LYST: variants seen among roughly 807,000 people sequenced by gnomAD.
The protein encoded by LYST is lysosomal trafficking regulator, also known as lysosomal-trafficking regulator.
Under a neutral mutation model 413.6 loss-of-function variants are expected in LYST, and 192 were observed. The observed-to-expected ratio is 0.46, with a 90% CI of 0.41 to 0.52. LYST has a LOEUF of 0.52. Among genes scored for constraint, LYST ranks in the 20% least tolerant of loss-of-function variants. LYST has a pLI of 0.00. For synonymous variants in LYST, 1,525 were observed against 1,567.3 expected, an observed-to-expected ratio of 0.97 and a Z score of 0.64; for missense variants, 3,815 against 4,499.9, an observed-to-expected ratio of 0.85 and a Z score of 4.35.
intron 1 of LYST, among the ~76,000 whole-genome samples, chr1:235,840,933 ACT>A (rs1282281581): frequency 6.6e-6 from 1 of 152,130 alleles, no homozygotes; most frequent in African/African-American, 2.4e-5. Context: ...GATCAGGACA[ACT>A]CTCTGAATAC....
chr1:235,672,805 T>C (rs899709888), intron 50 of LYST, among the ~76,000 whole-genome samples: 1 of 152,236 alleles, frequency 6.6e-6, no homozygotes, highest in Admixed American at 6.5e-5. Context: ...TATCCCCGTA[T>C]AAAATGCTTT....
chr1:235,711,828 A>C (rs1662425360), intron 43 of LYST, among the ~76,000 whole-genome samples: 1 of 152,122 alleles, frequency 6.6e-6, no homozygotes, highest in Admixed American at 6.5e-5. Context: ...ATTTACAAAT[A>C]ACTTTAATAG....
intron 29 of LYST, among the ~76,000 whole-genome samples, chr1:235,745,623 G>A (rs1244560933): frequency 6.6e-6 from 1 of 152,068 alleles, no homozygotes; most frequent in Non-Finnish European, 1.5e-5. Context: ...GCACATAAAT[G>A]CTTACAGAAG....
rs765743164 is a variant in LYST, at chr1:235,664,566, A to G, written c.11094T>C (p.His3698=). 1.1e-5 allele frequency: 18 copies of G among 1,614,032 alleles called. No individual in the cohort carries two copies. Among genetic ancestry groups the G allele is most frequent in the Non-Finnish European group, 1.5e-5 (18 of 1,180,024 alleles). The change falls in exon 51 of 53, where the codon CAT becomes CAC. Residue 3698 remains histidine (H), a synonymous_variant. Coordinates refer to ENST00000389793, the MANE Select transcript of LYST (RefSeq NM_000081.4). This position sits in a 1 kb window ranked among gnomAD's most constrained non-coding sequence, Gnocchi z 4.5. ...LWTVNGDLVG[H]VHCREIICSV... ...AACAGATGATCTCCCTGCAGTGGAC[A>G]TGTCCAACGAGATCCCCGTTCACCG... is the stretch of plus-strand genomic sequence containing the variant.
intron 1 of LYST, among the ~76,000 whole-genome samples, chr1:235,846,989 C>T (rs1677961432): frequency 6.6e-6 from 1 of 152,118 alleles, no homozygotes; most frequent in Non-Finnish European, 1.5e-5. Context: ...CCTGGCCTTG[C>T]TAGAGACGTA....
chr1:235,809,310 C>A lies in LYST; in HGVS notation c.1508G>T (p.Arg503Leu). The A allele has an allele frequency of 6.2e-7, 1 of 1,614,074 alleles. No homozygotes were observed. Among genetic ancestry groups the A allele is most frequent in the Non-Finnish European group, 8.5e-7 (1 of 1,179,986 alleles). ...HSMCTRKRHR[R>L]CEYSHFMHHH... ...ATGCATAAAATGAGAATATTCACAT[C>A]GTCTGTGCCTTTTTCTTGTACACAT... is the stretch of plus-strand genomic sequence containing the variant. Residue 503 changes from arginine (R) to leucine (L), a missense_variant, in exon 5 of 53, where the codon CGA becomes CTA. Physicochemically the swap from Arg to Leu is moderately radical, Grantham distance 102 (BLOSUM62 -2). Around this residue, in one of 4 missense-constraint regions of LYST, gnomAD observed 1,648 missense variants for 1,810.3 expected, o/e 0.91. Coordinates refer to ENST00000389793, the MANE Select transcript of LYST (RefSeq NM_000081.4). This position sits in a 1 kb window ranked among gnomAD's most constrained non-coding sequence, Gnocchi z 4.0.
chr1:235,861,655 T>C (rs1010362408), intron 1 of LYST, among the ~76,000 whole-genome samples: 1 of 152,188 alleles, frequency 6.6e-6, no homozygotes. Flanking sequence ...TACATATATA[T>C]GTTTTGTTTG....
chr1:235,737,958 T>A, intron 31 of LYST: 3 of 1,280,904 alleles, frequency 2.3e-6, no homozygotes, highest in South Asian at 4.9e-5. Context: ...CCGCCGGACG[T>A]GCATTCTCGA....
chr1:235,691,584 G>A (rs1447341676), intron 47 of LYST, among the ~76,000 whole-genome samples: 1 of 152,116 alleles, frequency 6.6e-6, no homozygotes, highest in African/African-American at 2.4e-5. Flanking sequence ...CACTGATGTT[G>A]AGCAGGAGAT....
At chr1:235,841,268 A>T (rs1477350253) in intron 1 of LYST, among the ~76,000 whole-genome samples, 3 of 152,262 alleles carry the variant, frequency 2.0e-5, no homozygotes, top group African/African-American at 7.2e-5. Flanking sequence ...TTAGAAAAGA[A>T]AAACAGAAAA....
chr1:235,798,365 G>A (rs1671787290), intron 10 of LYST, among the ~76,000 whole-genome samples: 1 of 151,582 alleles, frequency 6.6e-6, no homozygotes, highest in Admixed American at 6.6e-5. Context: ...AAAATTAGAT[G>A]TTAATAATAG....
chr1:235,682,064 A>G (rs1356569190), intron 48 of LYST, among the ~76,000 whole-genome samples: 1 of 152,140 alleles, frequency 6.6e-6, no homozygotes, highest in African/African-American at 2.4e-5. Flanking sequence ...TAATGCAAGC[A>G]CTTTGGGAGG....
chr1:235,783,885 TTTC>T lies in LYST; in HGVS notation c.4863-1801_4863-1799del, dbSNP rs200565349. ...TATTCTTTTAGAAATTCTTTTTTTT[TTTC>T]TTTTAAATTGAGACAGGGTCTCGCT... On this transcript the variant is annotated intron_variant, in intron 14 of 52. Transcript: ENST00000389793. 2.0e-3 allele frequency among the ~76,000 whole-genome samples: 208 copies of T among 106,590 alleles called. 2 individuals are homozygous for T. The highest frequency in any genetic ancestry group is 0.014 in the African/African-American group (196 of 13,990). The allele number at this position is 106,590 out of a possible 152,430, so 69.9% of individuals were successfully genotyped here.
chr1:235,785,567 T>C (rs1670330172), intron 14 of LYST, among the ~76,000 whole-genome samples: 1 of 152,210 alleles, frequency 6.6e-6, no homozygotes, highest in Admixed American at 6.5e-5. Flanking sequence ...GAGAATTAGA[T>C]GATGTATATA....
intron 31 of LYST, chr1:235,738,461 CA>C: frequency 6.2e-7 from 1 of 1,612,682 alleles, no homozygotes; most frequent in Non-Finnish European, 8.5e-7. Context: ...ATGGCTTTCC[CA>C]AAAACCATGT....
chr1:235,855,855 C>T (rs1056443249), intron 1 of LYST, among the ~76,000 whole-genome samples: 2 of 152,004 alleles, frequency 1.3e-5, no homozygotes, highest in African/African-American at 2.4e-5. Flanking sequence ...AAATTAGCTT[C>T]CCTTCAAAAG....
intron 16 of LYST, among the ~76,000 whole-genome samples, chr1:235,780,241 A>T (rs1008740860): frequency 1.3e-5 from 2 of 151,960 alleles, no homozygotes; most frequent in Non-Finnish European, 2.9e-5. Context: ...TTCCATCTCT[A>T]CAAAAATTTA....
chr1:235,778,904 T>C (rs1669583260), intron 16 of LYST, among the ~76,000 whole-genome samples: 1 of 151,956 alleles, frequency 6.6e-6, no homozygotes, highest in Non-Finnish European at 1.5e-5. Flanking sequence ...TTGACTCTTG[T>C]TGCCCAGGCT....
At position 235,662,896 on chromosome 1, in the gene LYST, G is replaced by T; in HGVS notation, c.*44C>A. 9.1e-7 allele frequency: 1 copy of T among 1,098,184 alleles called. No individual in the cohort carries two copies. Among genetic ancestry groups the T allele is most frequent in the Non-Finnish European group, 1.4e-6 (1 of 708,432 alleles). 68.0% of individuals were successfully genotyped at this position (1,098,184 alleles called of 1,614,324 possible). A position where few individuals can be genotyped will look rare whatever the true frequency, so the allele number is the denominator to read the frequency against. On this transcript the variant is annotated 3_prime_UTR_variant, in exon 53 of 53. Coordinates refer to ENST00000389793, the MANE Select transcript of LYST (RefSeq NM_000081.4). Reference sequence around the variant, plus strand: ...AAAACTGGTGAAGTCAACAAATCTAGTTTGGAGTTAAAGTGCTTTGGAGAA... The same window carrying T: ...AAAACTGGTGAAGTCAACAAATCTATTTTGGAGTTAAAGTGCTTTGGAGAA...
Sources: gnomAD v4.1 joint callset for allele counts (sites outside exome capture counted in the v4.1 genomes callset) on GRCh38, gnomAD v4.1.1 for gene constraint, gnomAD v4.1.1 regional missense constraint, Gnocchi (gnomAD v3.1) non-coding constraint, MANE v1.5 for transcripts, NCBI Gene and HGNC (gene_info 2026-07-23, HGNC 2026-07-21) for gene names.